The following TMEM163 variants were observed in gnomAD, a reference collection of about 807,000 sequenced individuals.
The protein encoded by TMEM163 is transmembrane protein 163.
Under a neutral mutation model 29.3 loss-of-function variants are expected in TMEM163, and 17 were observed. The observed-to-expected ratio is 0.58, with a 90% CI of 0.40 to 0.87. The LOEUF (loss-of-function observed/expected upper bound fraction) is 0.87. TMEM163 is among the 40% of genes least tolerant of loss of function. TMEM163 has a pLI of 0.00. For synonymous variants in TMEM163, 157 were observed against 160.6 expected (o/e 0.98, Z 0.17); for missense variants, 303 against 381.5 (o/e 0.79, Z 1.71).
At chr2:134,496,439 C>A (rs1359308331) in intron 5 of TMEM163, among the ~76,000 whole-genome samples, 1 of 149,166 alleles carries the variant, frequency 6.7e-6, no homozygotes, top group Non-Finnish European at 1.5e-5. Flanking sequence ...GAGGCTCCTA[C>A]AGGAACACCA....
At chr2:134,683,279 C>A (rs1358309344) in intron 2 of TMEM163, among the ~76,000 whole-genome samples, 1 of 151,992 alleles carries the variant, frequency 6.6e-6, no homozygotes, top group East Asian at 1.9e-4. Context: ...GTAGGTTCAT[C>A]AAGTGTAACA....
At chr2:134,480,335 T>C (rs759902420) in intron 5 of TMEM163, among the ~76,000 whole-genome samples, 8 of 152,194 alleles carry the variant, frequency 5.3e-5, no homozygotes, top group South Asian at 2.1e-4. Flanking sequence ...GGGCTCACTG[T>C]GTCATCTCTC....
chr2:134,546,442 G>C (rs1680786908), intron 4 of TMEM163, among the ~76,000 whole-genome samples: 1 of 152,198 alleles, frequency 6.6e-6, no homozygotes, highest in South Asian at 2.1e-4. Context: ...AGGAGTTCAA[G>C]ACCAGCCTGG....
rs143657171 is a variant in TMEM163, at chr2:134,640,974, C to T, written c.322+72226G>A. Among the ~76,000 whole-genome samples the T allele has an allele frequency of 5.1e-4, 77 of 152,282 alleles. 1 individual carries two copies. The East Asian group carries it at 0.014, about 29-fold the overall frequency. On this transcript the variant is annotated intron_variant, in intron 2 of 7. Coordinates refer to ENST00000281924, the MANE Select transcript of TMEM163 (RefSeq NM_030923.5). ...AGCTGTCCATGTTTATGACAAAGAG[C>T]AAGCATGTGTGTAAACATACTACAA...
chr2:134,639,089 C>T (rs988729808), intron 2 of TMEM163, among the ~76,000 whole-genome samples: 8 of 152,102 alleles, frequency 5.3e-5, no homozygotes, highest in Admixed American at 3.9e-4. Context: ...TGATCTGACG[C>T]CTGGACCCAC....
intron 2 of TMEM163, among the ~76,000 whole-genome samples, chr2:134,602,160 C>T (rs1682250243): frequency 6.6e-6 from 1 of 152,152 alleles, no homozygotes; most frequent in Non-Finnish European, 1.5e-5. Flanking sequence ...GAGGTGCAGA[C>T]CCTGTAACTG....
At chr2:134,520,088 ACT>A (rs1303294004) in intron 4 of TMEM163, among the ~76,000 whole-genome samples, 1 of 152,060 alleles carries the variant, frequency 6.6e-6, no homozygotes, top group Non-Finnish European at 1.5e-5. Flanking sequence ...CATTTACATA[ACT>A]CTACATACCA....
chr2:134,580,637 C>T (rs1034612224), intron 2 of TMEM163, among the ~76,000 whole-genome samples: 5 of 152,300 alleles, frequency 3.3e-5, no homozygotes, highest in South Asian at 2.1e-4. Flanking sequence ...AGAGGCCGGG[C>T]GCAGTGGCTG....
rs1416699087 is a variant in TMEM163 at position 134,713,220 on chromosome 2, G to A, written c.302C>T (p.Ala101Val). Residue 101 changes from alanine (A) to valine (V), a missense_variant, in exon 2 of 8, where the codon GCC becomes GTC. This residue lies in a region of TMEM163 where 203 missense variants were observed against 294.3 expected (regional missense o/e 0.69). Transcript: ENST00000281924. ...CTCACTAAAGGCAGCCACCGCGAGG[G>A]CCAGGGTGACAATGATGGAGAACCA... ...VSWFSIIVTL[A>V]LAVAAFTVSV... 3 of 1,614,010 alleles carry A rather than the reference G, an allele frequency of 1.9e-6. No homozygotes were observed. Among genetic ancestry groups the A allele is most frequent in the Admixed American group, 3.3e-5 (2 of 59,982 alleles).
chr2:134,710,766 T>C (rs1019333237), intron 2 of TMEM163, among the ~76,000 whole-genome samples: 3 of 152,036 alleles, frequency 2.0e-5, no homozygotes, highest in African/African-American at 4.8e-5. Context: ...CAAGAAGCCA[T>C]GTCCATAAAT....
At chr2:134,539,027 C>T (rs1283339441) in intron 4 of TMEM163, among the ~76,000 whole-genome samples, 3 of 152,168 alleles carry the variant, frequency 2.0e-5, no homozygotes, top group African/African-American at 7.2e-5. Flanking sequence ...AACCACCTAT[C>T]TCTGTTTTGC....
At chr2:134,566,236 C>A (rs984592619) in intron 2 of TMEM163, among the ~76,000 whole-genome samples, 1 of 151,892 alleles carries the variant, frequency 6.6e-6, no homozygotes, top group Non-Finnish European at 1.5e-5. Flanking sequence ...ACTGAAAAAA[C>A]GAGAAGAAAA....
At chr2:134,479,015 C>A (rs575962874) in intron 5 of TMEM163, among the ~76,000 whole-genome samples, 1 of 152,298 alleles carries the variant, frequency 6.6e-6, no homozygotes, top group East Asian at 1.9e-4. Context: ...CAAAGGACAT[C>A]CTTGCTTCTT....
rs190007632 is a variant in TMEM163 at position 134,597,923 on chromosome 2, T to C, written c.323-45832A>G. Among the ~76,000 whole-genome samples the C allele has an allele frequency of 6.4e-4, 97 of 152,364 alleles. No individual in the cohort carries two copies. In the East Asian group the frequency reaches 0.017, roughly 27 times the overall value. The stretch of plus-strand genomic sequence containing the variant: ...GCGTTGAGGTATTTATAGTATTCTC[T>C]GATGGTAGTCTGTATTTCTGTGGGA... On this transcript the variant is annotated intron_variant, in intron 2 of 7. Coordinates refer to ENST00000281924, the MANE Select transcript of TMEM163 (RefSeq NM_030923.5).
intron 2 of TMEM163, among the ~76,000 whole-genome samples, chr2:134,633,255 T>C (rs1683021498): frequency 6.6e-6 from 1 of 152,152 alleles, no homozygotes; most frequent in African/African-American, 2.4e-5. Flanking sequence ...AAGCAAAAGA[T>C]ACTGCAAATG....
At chr2:134,500,671 G>A (rs949403232) in intron 5 of TMEM163, among the ~76,000 whole-genome samples, 7 of 152,070 alleles carry the variant, frequency 4.6e-5, no homozygotes, top group South Asian at 2.1e-4. Flanking sequence ...CCTGTCATTC[G>A]CTACAACACG....
intron 2 of TMEM163, among the ~76,000 whole-genome samples, chr2:134,667,279 T>G (rs931264181): frequency 1.1e-4 from 16 of 152,344 alleles, no homozygotes; most frequent in Admixed American, 3.9e-4. Flanking sequence ...AATAAAAATC[T>G]TATTCGCAGC....
intron 4 of TMEM163, 64 bp downstream of exon 4, chr2:134,550,506 C>A: frequency 1.4e-6 from 2 of 1,481,318 alleles, no homozygotes; most frequent in Middle Eastern, 1.8e-4. Flanking sequence ...GTGTTGAGGG[C>A]CTCATTCCGT....
chr2:134,560,691 T>C (rs1404181091), intron 2 of TMEM163, among the ~76,000 whole-genome samples: 1 of 152,024 alleles, frequency 6.6e-6, no homozygotes, highest in East Asian at 1.9e-4. Flanking sequence ...CAGAATAGTA[T>C]AACAGGAAAA....
Sources: allele counts gnomAD v4.1 joint callset (sites outside exome capture counted in the v4.1 genomes callset), GRCh38; gene constraint gnomAD v4.1.1; regional missense constraint gnomAD v4.1.1; transcripts MANE v1.5; gene names NCBI Gene and HGNC (gene_info 2026-07-23, HGNC 2026-07-21).